PAAF1: variants seen among roughly 807,000 people sequenced by gnomAD.
PAAF1 encodes proteasomal ATPase-associated factor 1.
Under a neutral mutation model 52.8 loss-of-function variants are expected in PAAF1, and 46 were observed. The ratio of observed to expected loss-of-function variants is 0.87; its 90% CI spans 0.69 to 1.11. The LOEUF is 1.11. Ranked by LOEUF, PAAF1 falls within the 50% of genes most tolerant of loss-of-function variation. The pLI is 0.00. For synonymous variants in PAAF1, 178 were observed against 172.8 expected (o/e 1.03, Z -0.24); for missense variants, 424 against 477.4 (o/e 0.89, Z 1.04).
intron 10 of PAAF1, among the ~76,000 whole-genome samples, chr11:73,923,483 GTTTAGT>G (rs747980877): frequency 2.6e-5 from 4 of 152,026 alleles, no homozygotes; most frequent in African/African-American, 7.2e-5. Flanking sequence ...CCTCTGCTTT[GTTTAGT>G]TTTAAAGTTT....
At chr11:73,885,925 T>C (rs1949047193) in intron 2 of PAAF1, among the ~76,000 whole-genome samples, 1 of 152,012 alleles carries the variant, frequency 6.6e-6, no homozygotes, top group African/African-American at 2.4e-5. Context: ...TCAGTTTGGC[T>C]CAACATTTAT....
At position 73,930,713 on chromosome 11, in the gene PAAF1, C is replaced by G. The variant is rs1950445986; in HGVS notation, c.*3351C>G. On this transcript the variant is annotated 3_prime_UTR_variant, in exon 12 of 12. Coordinates refer to ENST00000310571, the MANE Select transcript of PAAF1 (RefSeq NM_025155.3). ...AGTGAGCTGAGATTGCACCACTGCA[C>G]TCCAGCTTGGGCAACAGAGCGAGAC... The G allele has an allele frequency of 6.6e-6, 1 of 150,928 alleles. No homozygotes were observed. Among genetic ancestry groups the G allele is most frequent in the South Asian group, 2.1e-4 (1 of 4,768 alleles). 9.3% of individuals were successfully genotyped at this position (150,928 alleles called of 1,614,324 possible). A position where few individuals can be genotyped will look rare whatever the true frequency, so the allele number is the denominator to read the frequency against.
chr11:73,896,158 A>G (rs1949347523), intron 4 of PAAF1, among the ~76,000 whole-genome samples: 1 of 151,974 alleles, frequency 6.6e-6, no homozygotes, highest in Non-Finnish European at 1.5e-5. Flanking sequence ...CAAAAAGTGA[A>G]TCTGAAATTT....
chr11:73,897,054 C>G (rs1450330243), intron 4 of PAAF1, among the ~76,000 whole-genome samples: 1 of 137,352 alleles, frequency 7.3e-6, no homozygotes, highest in East Asian at 2.2e-4. Context: ...TAGGGGCGGC[C>G]GGGCAGAGGC....
rs913721529 is a variant in PAAF1 at position 73,884,102 on chromosome 11, A to G, written c.89-3252A>G. ...TGTGTTCTTTTCTGGAGCAGTACTC[A>G]GCAGCCTGCATGTAGGAATGTAGAA... is the stretch of plus-strand genomic sequence containing the variant. On this transcript the variant is annotated intron_variant, in intron 2 of 11. Coordinates refer to ENST00000310571, the MANE Select transcript of PAAF1 (RefSeq NM_025155.3). 2.0e-5 allele frequency among the ~76,000 whole-genome samples: 3 copies of G among 152,176 alleles called. No homozygotes were observed. The South Asian group carries it at 6.2e-4, about 32-fold the overall frequency.
At chr11:73,899,505 G>C (rs1949534715) in intron 5 of PAAF1, among the ~76,000 whole-genome samples, 1 of 147,406 alleles carries the variant, frequency 6.8e-6, no homozygotes, top group Non-Finnish European at 1.5e-5. Context: ...TCCGCCTCCT[G>C]GGTTCAAGCG....
intron 10 of PAAF1, among the ~76,000 whole-genome samples, chr11:73,921,360 G>A (rs1314439676): frequency 6.6e-6 from 1 of 150,876 alleles, no homozygotes; most frequent in Non-Finnish European, 1.5e-5. Context: ...AGTGTAGGTG[G>A]AGAAGAGCTG....
intron 7 of PAAF1, among the ~76,000 whole-genome samples, chr11:73,910,984 T>C (rs1484987966): frequency 7.7e-6 from 1 of 130,428 alleles, no homozygotes; most frequent in African/African-American, 3.3e-5. Flanking sequence ...TGTGAGACTC[T>C]GTCTCAAAAA....
chr11:73,926,886 T>G (rs1950376520), intron 11 of PAAF1, among the ~76,000 whole-genome samples: 1 of 152,166 alleles, frequency 6.6e-6, no homozygotes, highest in South Asian at 2.1e-4. Flanking sequence ...CTTGAGGAGT[T>G]GATGAAATCC....
At chr11:73,917,786 G>T (rs546953576) in intron 9 of PAAF1, among the ~76,000 whole-genome samples, 2 of 151,786 alleles carry the variant, frequency 1.3e-5, no homozygotes, top group African/African-American at 4.8e-5. Flanking sequence ...CAGGAGGATC[G>T]CTTGAACCTG....
intron 2 of PAAF1, among the ~76,000 whole-genome samples, chr11:73,882,209 T>C (rs1460188152): frequency 6.6e-6 from 1 of 151,828 alleles, no homozygotes; most frequent in Non-Finnish European, 1.5e-5. Flanking sequence ...AGAGATGGGG[T>C]TTCACTGTGT....
At chr11:73,897,632 C>T (rs1485947116) in intron 4 of PAAF1, among the ~76,000 whole-genome samples, 1 of 148,722 alleles carries the variant, frequency 6.7e-6, no homozygotes, top group Admixed American at 6.6e-5. Context: ...GGGATGGCGG[C>T]CGGGCAGAGA....
intron 2 of PAAF1, among the ~76,000 whole-genome samples, chr11:73,881,116 A>C (rs1948893793): frequency 2.0e-5 from 3 of 152,214 alleles, no homozygotes. Flanking sequence ...TTATTATTAC[A>C]AGGACCTTGG....
intron 3 of PAAF1, among the ~76,000 whole-genome samples, chr11:73,890,885 A>T (rs577362947): frequency 6.6e-6 from 1 of 152,336 alleles, no homozygotes; most frequent in African/African-American, 2.4e-5. Context: ...ACACAAAAAG[A>T]TAATGGCATC....
In PAAF1 at chr11:73,899,283, A is replaced by C; in HGVS notation, c.381+39A>C. ...ATGTACTTTTAGGTCTTAAACACAA[A>C]GGGTGGTCTGAGAAGCCTTGGACTG... On this transcript the variant is annotated intron_variant, in intron 5 of 11. Transcript: ENST00000310571. The C allele has an allele frequency of 2.6e-6, 4 of 1,536,930 alleles. No homozygotes were observed. In the East Asian group the frequency reaches 9.0e-5, roughly 35 times the overall value.
At chr11:73,900,491 C>G in intron 6 of PAAF1, 71 bp downstream of exon 6, 2 of 1,473,324 alleles carry the variant, frequency 1.4e-6, no homozygotes, top group Non-Finnish European at 1.8e-6. Flanking sequence ...AAGGTAGAAA[C>G]AAGCTAGTTT....
At chr11:73,925,426 A>G (rs1950328763) in intron 11 of PAAF1, among the ~76,000 whole-genome samples, 1 of 150,304 alleles carries the variant, frequency 6.7e-6, no homozygotes, top group Non-Finnish European at 1.5e-5. Context: ...TGATTGTACC[A>G]TTGCACTCTA....
intron 2 of PAAF1, among the ~76,000 whole-genome samples, chr11:73,884,773 C>T (rs1258498730): frequency 6.6e-6 from 1 of 152,166 alleles, no homozygotes; most frequent in African/African-American, 2.4e-5. Context: ...GGGATTTATC[C>T]CTCAACTATC....
At chr11:73,881,811 A>G (rs982854294) in intron 2 of PAAF1, among the ~76,000 whole-genome samples, 9 of 151,962 alleles carry the variant, frequency 5.9e-5, no homozygotes, top group South Asian at 2.1e-4. Context: ...GGTTCAAGCA[A>G]TTCTCCAGCC....
Sources: allele counts gnomAD v4.1 joint callset (sites outside exome capture counted in the v4.1 genomes callset), GRCh38; gene constraint gnomAD v4.1.1; transcripts MANE v1.5; gene names NCBI Gene and HGNC (gene_info 2026-07-23, HGNC 2026-07-21).